ADAM12: variants seen among roughly 807,000 people sequenced by gnomAD.
The protein encoded by ADAM12 is ADAM metallopeptidase domain 12.
A neutral mutation model predicts 106.4 loss-of-function variants in ADAM12; 70 were observed. That is an observed-to-expected ratio of 0.66 (90% CI 0.54 to 0.80). The LOEUF is 0.80. Among genes scored for constraint, ADAM12 ranks in the 30% least tolerant of loss-of-function variants. The pLI is 0.00. For missense variants in ADAM12, 1,010 were observed against 1,171.9 expected (o/e 0.86, Z 2.02); for synonymous variants, 420 against 433.5 (o/e 0.97, Z 0.39).
chr10:126,275,647 A>G (rs2093171893), intron 3 of ADAM12, among the ~76,000 whole-genome samples: 1 of 152,150 alleles, frequency 6.6e-6, no homozygotes, highest in South Asian at 2.1e-4. Context: ...ATATTTAAAG[A>G]CCCAATATTC....
intron 2 of ADAM12, among the ~76,000 whole-genome samples, chr10:126,295,945 A>G (rs1960361566): frequency 6.6e-6 from 1 of 151,834 alleles, no homozygotes; most frequent in Non-Finnish European, 1.5e-5. Context: ...ACACACACAC[A>G]TAAACACACA....
At chr10:126,168,951 G>A (rs1676747) in intron 3 of ADAM12, among the ~76,000 whole-genome samples, 14,870 of 152,120 alleles carry the variant, frequency 0.098, 2,085 homozygotes, top group African/African-American at 0.31. Context: ...TACTCAGGAA[G>A]CTGAGGCAGG....
intron 11 of ADAM12, among the ~76,000 whole-genome samples, chr10:126,089,644 G>A (rs1278372): frequency 0.33 from 49,521 of 152,010 alleles, 9,079 homozygotes; most frequent in African/African-American, 0.45. Flanking sequence ...AAGAATCCAC[G>A]TTCCTGCTCT....
At chr10:126,125,881 T>G (rs1268342833) in intron 5 of ADAM12, among the ~76,000 whole-genome samples, 1 of 151,104 alleles carries the variant, frequency 6.6e-6, no homozygotes, top group Non-Finnish European at 1.5e-5. Flanking sequence ...CAAGCAAAGA[T>G]GCAAGCAGAA....
At chr10:126,239,930 TG>T (rs1401950312) in intron 3 of ADAM12, among the ~76,000 whole-genome samples, 1 of 152,202 alleles carries the variant, frequency 6.6e-6, no homozygotes, top group African/African-American at 2.4e-5. Flanking sequence ...GCTTCCAAAC[TG>T]GGGTCTTACA....
At chr10:126,023,587 G>T (rs1953810690) in intron 21 of ADAM12, among the ~76,000 whole-genome samples, 1 of 151,960 alleles carries the variant, frequency 6.6e-6, no homozygotes, top group Admixed American at 6.5e-5. Context: ...TTCAAGTTGG[G>T]CTCTACAGAC....
chr10:126,218,048 C>T (rs373081107), intron 3 of ADAM12, among the ~76,000 whole-genome samples: 13 of 151,420 alleles, frequency 8.6e-5, no homozygotes, highest in South Asian at 2.1e-4. Context: ...GGAAGTATAA[C>T]GTAAATAAGG....
At chr10:126,321,934 C>G (rs992143894) in intron 2 of ADAM12, among the ~76,000 whole-genome samples, 1 of 148,162 alleles carries the variant, frequency 6.7e-6, no homozygotes, top group African/African-American at 2.5e-5. Flanking sequence ...ACCTCATGTG[C>G]ACAACAGCAT....
chr10:126,083,935 C>G (rs1955285505), intron 11 of ADAM12, among the ~76,000 whole-genome samples: 1 of 152,230 alleles, frequency 6.6e-6, no homozygotes, highest in Non-Finnish European at 1.5e-5. Flanking sequence ...TGCCTTATAA[C>G]TGGACGCTGA....
chr10:126,052,336 C>T (rs553550794), intron 14 of ADAM12, among the ~76,000 whole-genome samples: 41 of 152,342 alleles, frequency 2.7e-4, no homozygotes, highest in African/African-American at 9.6e-4. Flanking sequence ...ATACAAGCAG[C>T]TCCTAGTGAC....
chr10:126,167,610 T>C (rs1410726678), intron 3 of ADAM12, among the ~76,000 whole-genome samples: 1 of 152,084 alleles, frequency 6.6e-6, no homozygotes, highest in Non-Finnish European at 1.5e-5. Context: ...TAAAGGTGCA[T>C]GAAATATTCA....
At chr10:126,109,912 T>C (rs1303628194) in intron 6 of ADAM12, 72 bp from the exon 7 acceptor site, 36 of 1,417,630 alleles carry the variant, frequency 2.5e-5, no homozygotes, top group Non-Finnish European at 3.4e-5. Flanking sequence ...TGTCTCTCAA[T>C]CTAAACACTT....
intron 18 of ADAM12, 51 bp downstream of exon 18, chr10:126,042,989 C>G: frequency 6.4e-7 from 1 of 1,566,962 alleles, no homozygotes; most frequent in Non-Finnish European, 8.7e-7. Context: ...CGAGCCCACC[C>G]GCCCCCAGGT....
chr10:126,384,858 T>C (rs1323972678), intron 1 of ADAM12, among the ~76,000 whole-genome samples: 1 of 152,200 alleles, frequency 6.6e-6, no homozygotes, highest in Middle Eastern at 3.2e-3. Flanking sequence ...TCTGACTCTA[T>C]CTACCTGGAG....
chr10:126,055,315 T>G (rs1413900082), intron 14 of ADAM12, among the ~76,000 whole-genome samples: 1 of 152,196 alleles, frequency 6.6e-6, no homozygotes, highest in Non-Finnish European at 1.5e-5. Context: ...GCAAAGACCC[T>G]TGAGTCTGAC....
At chr10:126,337,863 T>C (rs1854766071) in intron 1 of ADAM12, among the ~76,000 whole-genome samples, 1 of 152,206 alleles carries the variant, frequency 6.6e-6, no homozygotes, top group Non-Finnish European at 1.5e-5. Context: ...TTTTCTTCTT[T>C]ATGTTTGTAT....
intron 4 of ADAM12, among the ~76,000 whole-genome samples, chr10:126,143,452 ATG>A (rs919183810): frequency 4.2e-5 from 6 of 142,826 alleles, no homozygotes; most frequent in Admixed American, 2.1e-4. Flanking sequence ...TATGGTGTGC[ATG>A]TGTGTGTATA....
chr10:126,098,436 G>A lies in ADAM12; in HGVS notation c.976C>T (p.Gln326Ter). 1 of 1,614,048 alleles carries A rather than the reference G, an allele frequency of 6.2e-7. No homozygotes were observed. The highest frequency in any genetic ancestry group is 8.5e-7 in the Non-Finnish European group (1 of 1,179,938). The change falls in exon 10 of 23, where the codon CAG becomes TAG. Residue 326 changes from glutamine (Q) to a stop codon, truncating the protein, a stop_gained. Coordinates refer to ENST00000448723, the MANE Select transcript of ADAM12 (RefSeq NM_001288973.2). LOFTEE classifies it high-confidence loss of function. ...APIMSMCTAD[Q>*]SGGIVMDHSD... ...CTTACCATGACAATTCCCCCAGACT[G>A]GTCTGCCGTGCACATGCTCATGATT...
chr10:126,334,462 A>G (rs1430636178), intron 1 of ADAM12, among the ~76,000 whole-genome samples: 1 of 152,042 alleles, frequency 6.6e-6, no homozygotes, highest in East Asian at 1.9e-4. Context: ...CACATATTAG[A>G]TCGTTCATCT....
Sources: allele counts gnomAD v4.1 joint callset (sites outside exome capture counted in the v4.1 genomes callset), GRCh38; gene constraint gnomAD v4.1.1; transcripts MANE v1.5; gene names NCBI Gene and HGNC (gene_info 2026-07-23, HGNC 2026-07-21).